MICAL3: variants seen among roughly 807,000 people sequenced by gnomAD.
The protein encoded by MICAL3 is [F-actin]-monooxygenase MICAL3.
In MICAL3, 62 loss-of-function variants were observed where a neutral mutation model predicts 207.4. The observed-to-expected ratio is 0.30, with a 90% confidence interval of 0.24 to 0.37. MICAL3 has a LOEUF of 0.37. Ranked by LOEUF, MICAL3 falls within the 10% of genes least tolerant of loss-of-function variation. The probability of loss-of-function intolerance (pLI) is 1.00; values close to 1 mark genes in which losing one functional copy is unlikely to be tolerated. For missense variants in MICAL3, 2,368 were observed against 2,635.6 expected (o/e 0.90, Z 2.22); for synonymous variants, 1,077 against 1,069.3 (o/e 1.01, Z -0.14).
At chr22:17,799,838 T>A (rs1400088851) in intron 29 of MICAL3, among the ~76,000 whole-genome samples, 1 of 151,226 alleles carries the variant, frequency 6.6e-6, no homozygotes, top group African/African-American at 2.5e-5. Context: ...GAGATAAAGC[T>A]CCAGGTTGGG....
intron 1 of MICAL3, among the ~76,000 whole-genome samples, chr22:17,918,430 G>T (rs1389074362): frequency 6.6e-6 from 1 of 152,118 alleles, no homozygotes; most frequent in South Asian, 2.1e-4. Flanking sequence ...GAAATTCAGT[G>T]AGAAGAGTGA....
In MICAL3 at chr22:17,876,784, G is replaced by C. The variant is rs62240561; in HGVS notation, c.2242-4761C>G. The C allele has an allele frequency of 4.0e-4, 22 of 55,686 alleles. 1 individual carries two copies. Among genetic ancestry groups the C allele is most frequent in the African/African-American group, 1.4e-3 (21 of 15,454 alleles). 3.4% of individuals were successfully genotyped at this position (55,686 alleles called of 1,614,324 possible). A position where few individuals can be genotyped will look rare whatever the true frequency, so the allele number is the denominator to read the frequency against. On this transcript the variant is annotated intron_variant, in intron 16 of 31. Transcript: ENST00000441493. ...GAGGTTAGGGAAGTTATGGAGGTTA[G>C]GGAGGTTAGGGAAGTTATGGAGGTT...
At chr22:17,848,316 T>A (rs900330863) in intron 19 of MICAL3, among the ~76,000 whole-genome samples, 1 of 152,104 alleles carries the variant, frequency 6.6e-6, no homozygotes, top group Non-Finnish European at 1.5e-5. Flanking sequence ...CCCGTTCAAG[T>A]TGGAAACAGT....
chr22:17,794,240 T>TGGGCCCCC (rs993782921), intron 29 of MICAL3, among the ~76,000 whole-genome samples: 11 of 152,348 alleles, frequency 7.2e-5, no homozygotes, highest in African/African-American at 2.6e-4. Context: ...TTTGGGGCCT[T>TGGGCCCCC]GGGCCCCCTC....
At chr22:17,807,417 G>C (rs892733430) in intron 29 of MICAL3, among the ~76,000 whole-genome samples, 17 of 152,362 alleles carry the variant, frequency 1.1e-4, no homozygotes, top group African/African-American at 3.8e-4. Context: ...TGCTGTGCTT[G>C]TCTCACAGTA....
chr22:17,856,608 C>CTTTT (rs57588188), intron 19 of MICAL3, among the ~76,000 whole-genome samples: 61 of 94,852 alleles, frequency 6.4e-4, no homozygotes, highest in African/African-American at 7.2e-4. Context: ...AAAATGTTTA[C>CTTTT]TTTTTTTTTT....
chr22:17,975,615 G>C (rs1409483017), intron 1 of MICAL3, among the ~76,000 whole-genome samples: 1 of 152,106 alleles, frequency 6.6e-6, no homozygotes, highest in Non-Finnish European at 1.5e-5. Context: ...GGAAATACCT[G>C]ATAAAGAGAG....
Position 17,908,370 on chromosome 22 carries a change from C to T in MICAL3, c.-74-1484G>A, listed in dbSNP as rs370048965. Among the ~76,000 whole-genome samples the T allele has an allele frequency of 4.3e-4, 65 of 152,128 alleles. 1 individual carries two copies. The South Asian group carries it at 0.011, about 26-fold the overall frequency. On this transcript the variant is annotated intron_variant, in intron 1 of 31. Transcript: ENST00000441493. ...TTGCCCAGGCTGGAATACAGTGGTG[C>T]GATCTCTGCTCACTGCAAGCTCCAC...
In MICAL3 at chr22:17,818,007, G is replaced by A. The variant is rs368314845; in HGVS notation, c.4654C>T (p.Arg1552Cys). The stretch of plus-strand genomic sequence containing the variant: ...GGCGGGTGGCGAGGCTTCTCGGGGC[G>A]CGGCCAGCAGGACGGGGGCGTGAAG... ...KFFTPPSCWPRPEKPRHPPLA... is the reference protein window; with the variant it reads ...KFFTPPSCWPCPEKPRHPPLA... The change falls in exon 26 of 32, where the codon CGC (arginine) becomes TGC (cysteine). Residue 1552 changes from arginine to cysteine, a missense_variant. Around this residue, in one of 4 missense-constraint regions of MICAL3, gnomAD observed 1,770 missense variants for 1,863.2 expected, o/e 0.95. Coordinates refer to ENST00000441493, the MANE Select transcript of MICAL3 (RefSeq NM_015241.3). 2.9e-5 allele frequency: 47 copies of A among 1,612,152 alleles called. No individual in the cohort carries two copies. In the African/African-American group the frequency reaches 4.1e-4, roughly 14 times the overall value.
chr22:17,963,736 T>C (rs756122128), intron 1 of MICAL3, among the ~76,000 whole-genome samples: 5 of 152,164 alleles, frequency 3.3e-5, no homozygotes, highest in Non-Finnish European at 7.4e-5. Context: ...CCCATGCTGA[T>C]CCAGCCAGGA....
intron 19 of MICAL3, among the ~76,000 whole-genome samples, chr22:17,845,389 C>G (rs1204243652): frequency 2.0e-5 from 3 of 152,088 alleles, no homozygotes; most frequent in African/African-American, 7.2e-5. Flanking sequence ...GGAAACAAAG[C>G]AGATTAAAAC....
intron 19 of MICAL3, chr22:17,863,590 C>G (rs1926749366): frequency 1.0e-6 from 1 of 985,320 alleles, no homozygotes; most frequent in African/African-American, 1.7e-5. Flanking sequence ...GTCCCACCTG[C>G]AGGGTACTTA....
At chr22:17,809,907 G>A (rs186920113) in intron 28 of MICAL3, among the ~76,000 whole-genome samples, 52 of 151,724 alleles carry the variant, frequency 3.4e-4, no homozygotes, top group African/African-American at 1.0e-3. Context: ...TTATTTTTAT[G>A]AGATGGAGGC....
chr22:17,883,120 T>A (rs1246124081), intron 16 of MICAL3, among the ~76,000 whole-genome samples: 1 of 152,198 alleles, frequency 6.6e-6, no homozygotes, highest in Non-Finnish European at 1.5e-5. Context: ...CTGCAACAGA[T>A]CCTCAACTAA....
At chr22:17,913,075 C>T (rs1033189357) in intron 1 of MICAL3, among the ~76,000 whole-genome samples, 1 of 152,008 alleles carries the variant, frequency 6.6e-6, no homozygotes, top group African/African-American at 2.4e-5. Flanking sequence ...GGGATCTATC[C>T]TGACTCTCCA....
intron 1 of MICAL3, among the ~76,000 whole-genome samples, chr22:17,919,885 T>C (rs1450060803): frequency 1.3e-5 from 2 of 152,204 alleles, no homozygotes; most frequent in Non-Finnish European, 2.9e-5. Flanking sequence ...AAAAAGAAAC[T>C]GGTTTCTAAA....
At chr22:17,876,391 T>C (rs928859335) in intron 16 of MICAL3, 3 of 152,374 alleles carry the variant, frequency 2.0e-5, no homozygotes, top group Admixed American at 6.5e-5. Flanking sequence ...CCAAGCCAGA[T>C]TGGTCACACT....
At chr22:17,915,784 C>G (rs991983440) in intron 1 of MICAL3, among the ~76,000 whole-genome samples, 3 of 151,940 alleles carry the variant, frequency 2.0e-5, no homozygotes, top group Non-Finnish European at 4.4e-5. Context: ...CTCAAGGATT[C>G]GATTTCTGTG....
intron 16 of MICAL3, chr22:17,884,355 T>G (rs777821686): frequency 8.2e-6 from 13 of 1,590,476 alleles, no homozygotes; most frequent in Non-Finnish European, 1.0e-5. Context: ...CGCTCTTGTG[T>G]CAGCTGGGAC....
Sources: gnomAD v4.1 joint callset for allele counts (sites outside exome capture counted in the v4.1 genomes callset) on GRCh38, gnomAD v4.1.1 for gene constraint, gnomAD v4.1.1 regional missense constraint, MANE v1.5 for transcripts, NCBI Gene and HGNC (gene_info 2026-07-23, HGNC 2026-07-21) for gene names.